The following MGST3 variants were observed in gnomAD, a reference collection of about 807,000 sequenced individuals.
MGST3 encodes the protein microsomal glutathione S-transferase 3, also known as glutathione S-transferase 3, mitochondrial.
In MGST3, 13 loss-of-function variants were observed where a neutral mutation model predicts 15.8. The observed-to-expected ratio is 0.82, with a 90% confidence interval of 0.54 to 1.31. MGST3 has a LOEUF of 1.31. Ranked by LOEUF, MGST3 falls within the 50% of genes most tolerant of loss-of-function variation. The pLI, the probability that MGST3 is intolerant of heterozygous loss-of-function variation, is 0.00. For missense variants in MGST3, 155 were observed against 192.4 expected (o/e 0.81, Z 1.15); for synonymous variants, 49 against 68.1 (o/e 0.72, Z 1.38).
chr1:165,639,081 T>G (rs1271438098), intron 1 of MGST3, among the ~76,000 whole-genome samples: 1 of 152,198 alleles, frequency 6.6e-6, no homozygotes, highest in Non-Finnish European at 1.5e-5. Flanking sequence ...TGATCCTCTA[T>G]GTAAAGTATT....
At chr1:165,650,365 TGTG>T (rs1336236526) in intron 2 of MGST3, 7 of 300,300 alleles carry the variant, frequency 2.3e-5, no homozygotes, top group Non-Finnish European at 4.5e-5. Context: ...AAAAGAGGTA[TGTG>T]GTGTTGAGAT....
At chr1:165,651,718 A>G in intron 3 of MGST3, 1 of 410,442 alleles carries the variant, frequency 2.4e-6, no homozygotes, top group Non-Finnish European at 4.5e-6. Context: ...AGCTTGGTCA[A>G]CATGGCAAAA....
chr1:165,639,384 A>C (rs192836108), intron 1 of MGST3, among the ~76,000 whole-genome samples: 4 of 152,326 alleles, frequency 2.6e-5, no homozygotes, highest in Admixed American at 6.5e-5. Flanking sequence ...CAAATTGTTG[A>C]ATTTCTCTTT....
intron 1 of MGST3, among the ~76,000 whole-genome samples, chr1:165,648,170 T>G (rs1409721866): frequency 6.6e-6 from 1 of 152,256 alleles, no homozygotes; most frequent in Non-Finnish European, 1.5e-5. Context: ...AGCCAGAGAC[T>G]CCTTGCTCTC....
chr1:165,635,154 C>T (rs1431597004), intron 1 of MGST3, among the ~76,000 whole-genome samples: 1 of 152,020 alleles, frequency 6.6e-6, no homozygotes, highest in Non-Finnish European at 1.5e-5. Context: ...GTGGGTTGTC[C>T]CTGGGATCAC....
At chr1:165,640,235 G>A (rs554702647) in intron 1 of MGST3, among the ~76,000 whole-genome samples, 3 of 151,862 alleles carry the variant, frequency 2.0e-5, no homozygotes, top group African/African-American at 4.8e-5. Flanking sequence ...TTGTTGTCTC[G>A]AACCTCTGTT....
intron 1 of MGST3, among the ~76,000 whole-genome samples, chr1:165,634,801 CA>C: frequency 7.7e-6 from 1 of 129,048 alleles, no homozygotes. Context: ...CCCTCCCCCC[CA>C]CTCTCAACTG....
intron 1 of MGST3, among the ~76,000 whole-genome samples, chr1:165,634,091 A>T (rs1648034485): frequency 6.6e-6 from 1 of 151,254 alleles, no homozygotes; most frequent in African/African-American, 2.4e-5. Flanking sequence ...GCAAAATTGA[A>T]GTTAATTGTT....
At chr1:165,637,954 C>T (rs142967452) in intron 1 of MGST3, among the ~76,000 whole-genome samples, 9 of 152,248 alleles carry the variant, frequency 5.9e-5, no homozygotes, top group Admixed American at 3.9e-4. Context: ...CACCCACGGA[C>T]GTCAGAGCCC....
intron 1 of MGST3, among the ~76,000 whole-genome samples, chr1:165,644,255 C>G (rs1411428541): frequency 6.6e-6 from 1 of 152,132 alleles, no homozygotes; most frequent in East Asian, 1.9e-4. Flanking sequence ...TTACACAAAC[C>G]TAGACAGTAT....
At chr1:165,645,804 T>C (rs1443320361) in intron 1 of MGST3, 3 of 152,236 alleles carry the variant, frequency 2.0e-5, no homozygotes, top group Non-Finnish European at 4.4e-5. Flanking sequence ...TGGCTGCATG[T>C]GGTAGAAGGT....
chr1:165,645,026 G>T (rs763095666), intron 1 of MGST3, among the ~76,000 whole-genome samples: 3 of 152,084 alleles, frequency 2.0e-5, no homozygotes, highest in Non-Finnish European at 4.4e-5. Context: ...GTCCCAAAGT[G>T]CTGGGATTAC....
intron 1 of MGST3, among the ~76,000 whole-genome samples, chr1:165,631,686 G>GA (rs9333373): frequency 0.56 from 85,335 of 151,782 alleles, 24,451 homozygotes; most frequent in East Asian, 0.78. Context: ...CGCAGAGGAT[G>GA]GCGAGCCGGA....
At chr1:165,635,629 AACG>A (rs928276472) in intron 1 of MGST3, 10 of 152,370 alleles carry the variant, frequency 6.6e-5, no homozygotes, top group Admixed American at 2.6e-4. Context: ...TTGGAATAAA[AACG>A]ACATCTAAAA....
In MGST3 at chr1:165,641,637, CTAATT is replaced by C. The variant is rs1175624916; in HGVS notation, c.-7-8198_-7-8194del. On this transcript the variant is annotated intron_variant, in intron 1 of 5. Transcript: ENST00000367889. ...TATACCAGGTACATATCTAGTTTAT[CTAATT>C]TAATTCTTCAAACCACACTGTGATA... Among the ~76,000 whole-genome samples the C allele has an allele frequency of 3.3e-5, 5 of 152,294 alleles. No individual in the cohort carries two copies. The South Asian group carries it at 1.0e-3, about 32-fold the overall frequency.
intron 1 of MGST3, among the ~76,000 whole-genome samples, chr1:165,638,251 G>A (rs1488420503): frequency 6.6e-6 from 1 of 152,196 alleles, no homozygotes; most frequent in Admixed American, 6.5e-5. Context: ...GGCTGAGAGA[G>A]GCAAATTGCT....
At chr1:165,651,784 A>G (rs1365512839) in intron 3 of MGST3, 194 bp from the exon 4 acceptor site, 2 of 521,438 alleles carry the variant, frequency 3.8e-6, no homozygotes, top group African/African-American at 1.9e-5. Flanking sequence ...AATCCCAGCT[A>G]CTCAGGAAGC....
Position 165,655,630 on chromosome 1 carries a change from C to G in MGST3, c.*126C>G. 8.7e-7 allele frequency: 1 copy of G among 1,149,594 alleles called. No individual in the cohort carries two copies. The highest frequency in any genetic ancestry group is 1.3e-6 in the Non-Finnish European group (1 of 798,432). 71.2% of individuals were successfully genotyped at this position (1,149,594 alleles called of 1,614,324 possible). A position where few individuals can be genotyped will look rare whatever the true frequency, so the allele number is the denominator to read the frequency against. Reference sequence around the variant, plus strand: ...AGCCTCATACCTAAAACTCCTGACTCTTACCACTCATTTCCGTTTGAGTCT... The same window carrying G: ...AGCCTCATACCTAAAACTCCTGACTGTTACCACTCATTTCCGTTTGAGTCT... On this transcript the variant is annotated 3_prime_UTR_variant, in exon 6 of 6. Coordinates refer to ENST00000367889, the MANE Select transcript of MGST3 (RefSeq NM_004528.4).
At chr1:165,648,672 CAGTT>C (rs142598972) in intron 1 of MGST3, 13,108 of 151,540 alleles carry the variant, frequency 0.086, 662 homozygotes, top group African/African-American at 0.12. Context: ...AAAAAAAAAG[CAGTT>C]AGGCCTATTT....
Sources: gnomAD v4.1 joint callset for allele counts (sites outside exome capture counted in the v4.1 genomes callset) on GRCh38, gnomAD v4.1.1 for gene constraint, MANE v1.5 for transcripts, NCBI Gene and HGNC (gene_info 2026-07-23, HGNC 2026-07-21) for gene names.